The following NPEPPS variants were observed in gnomAD, a reference collection of about 807,000 sequenced individuals.
NPEPPS encodes puromycin-sensitive aminopeptidase.
In NPEPPS, 14 loss-of-function variants were observed where a neutral mutation model predicts 115.5. The ratio of observed to expected loss-of-function variants is 0.12; its 90% confidence interval spans 0.08 to 0.19. The LOEUF is 0.19. Among genes scored for constraint, NPEPPS ranks in the 10% least tolerant of loss-of-function variants. The probability of loss-of-function intolerance (pLI) is 1.00; values close to 1 mark genes in which losing one functional copy is unlikely to be tolerated. For missense variants in NPEPPS, 523 were observed against 1,110.8 expected (o/e 0.47, Z 7.52); for synonymous variants, 285 against 390.6 (o/e 0.73, Z 3.19).
chr17:47,612,438 T>C, intron 17 of NPEPPS, 22 bp from the exon 18 acceptor site: 1 of 1,612,046 alleles, frequency 6.2e-7, no homozygotes, highest in Non-Finnish European at 8.5e-7. Context: ...TAGTCTTATG[T>C]CTCTTTTACT....
At position 47,597,550 on chromosome 17, in the gene NPEPPS, G is replaced by T. The variant is rs905998554; in HGVS notation, c.1536+1088G>T. 4.7e-4 allele frequency among the ~76,000 whole-genome samples: 71 copies of T among 151,860 alleles called. 1 individual carries two copies. The highest frequency in any genetic ancestry group is 1.6e-3 in the African/African-American group (66 of 41,314). On this transcript the variant is annotated intron_variant, in intron 13 of 22. Coordinates refer to ENST00000322157, the MANE Select transcript of NPEPPS (RefSeq NM_006310.4). Reference sequence around the variant, plus strand: ...TATTACTTTTATATTTTAAAAAATTGGGATGAGGTCTCACTGTATTGCCCA... The same window carrying T: ...TATTACTTTTATATTTTAAAAAATTTGGATGAGGTCTCACTGTATTGCCCA...
At chr17:47,553,862 TG>T (rs993536108) in intron 2 of NPEPPS, among the ~76,000 whole-genome samples, 9 of 151,726 alleles carry the variant, frequency 5.9e-5, no homozygotes, top group Admixed American at 2.6e-4. Flanking sequence ...GCGATTCTCC[TG>T]CCCTAGCCTC....
intron 20 of NPEPPS, 62 bp downstream of exon 20, chr17:47,618,519 T>C (rs1686540296): frequency 8.7e-7 from 1 of 1,146,602 alleles, no homozygotes. Context: ...GAAGTGTCTC[T>C]GATTCAGCTC....
At chr17:47,576,163 A>C (rs1183854082) in intron 3 of NPEPPS, among the ~76,000 whole-genome samples, 1 of 152,158 alleles carries the variant, frequency 6.6e-6, no homozygotes, top group African/African-American at 2.4e-5. Context: ...ATTCTGGGAT[A>C]GTGATTAAAT....
In NPEPPS at chr17:47,619,796, A is replaced by ACTGTTTACT; in HGVS notation, c.2607+15_2607+23dup. ...CTGGAGAGGTTAAGGTAAGGAAAAT[A>ACTGTTTACT]CTGTTTACTCTTCACTTTTCAGTCT... On this transcript the variant is annotated intron_variant, in intron 22 of 22. Transcript: ENST00000322157. The ACTGTTTACT allele has an allele frequency of 6.3e-7, 1 of 1,598,464 alleles. No individual in the cohort carries two copies. The highest frequency in any genetic ancestry group is 8.6e-7 in the Non-Finnish European group (1 of 1,165,866).
intron 20 of NPEPPS, 37 bp from the exon 21 acceptor site, chr17:47,618,972 T>C (rs1173596802): frequency 6.9e-6 from 11 of 1,597,942 alleles, no homozygotes; most frequent in Non-Finnish European, 9.4e-6. Flanking sequence ...AATATGTTTT[T>C]GATACACTAG....
intron 20 of NPEPPS, 99 bp downstream of exon 20, chr17:47,618,556 A>G: frequency 2.7e-6 from 2 of 754,490 alleles, no homozygotes; most frequent in Non-Finnish European, 4.4e-6. Flanking sequence ...CCTTAACCCT[A>G]ACTAAAGCTT....
At chr17:47,536,565 T>C (rs1193804507) in intron 1 of NPEPPS, among the ~76,000 whole-genome samples, 1 of 151,676 alleles carries the variant, frequency 6.6e-6, no homozygotes, top group Non-Finnish European at 1.5e-5. Flanking sequence ...AGCTAATTTT[T>C]TCTGTTTTTA....
rs1335503324 is a variant in NPEPPS, at chr17:47,531,279, G to A, written c.-22G>A. The A allele has an allele frequency of 7.9e-7, 1 of 1,264,688 alleles. No individual in the cohort carries two copies. Among genetic ancestry groups the A allele is most frequent in the Admixed American group, 2.5e-5 (1 of 39,904 alleles). 78.3% of individuals were successfully genotyped at this position (1,264,688 alleles called of 1,614,324 possible). A position where few individuals can be genotyped will look rare whatever the true frequency, so the allele number is the denominator to read the frequency against. On this transcript the variant is annotated 5_prime_UTR_variant, in exon 1 of 23. Transcript: ENST00000322157. Reference sequence around the variant, plus strand: ...CAGGCTCCCCCGGTCGCTCTCCTCCGGCGGTCGCCCGCGCTCGGTGGATGT... The same window carrying A: ...CAGGCTCCCCCGGTCGCTCTCCTCCAGCGGTCGCCCGCGCTCGGTGGATGT...
intron 5 of NPEPPS, among the ~76,000 whole-genome samples, chr17:47,583,840 C>T (rs1230799717): frequency 2.0e-5 from 3 of 151,128 alleles, no homozygotes; most frequent in South Asian, 2.1e-4. Flanking sequence ...GAGGATCTCT[C>T]GAACTTAGGA....
chr17:47,538,526 CTTTTTTTTTT>C (rs1029993473), intron 1 of NPEPPS, among the ~76,000 whole-genome samples: 1 of 104,418 alleles, frequency 9.6e-6, no homozygotes, highest in African/African-American at 3.8e-5. Flanking sequence ...TATCTGTTTT[CTTTTTTTTTT>C]TTTTTTTTTT....
chr17:47,590,889 A>G lies in NPEPPS; in HGVS notation c.1260+8A>G. ...AACAGCCATCCTATTGAAGTGAGCC[A>G]TACTTTCTAACCATTAGCCTATGAC... On this transcript the variant is annotated splice_region_variant and intron_variant, in intron 10 of 22. Transcript: ENST00000322157. The G allele has an allele frequency of 6.5e-7, 1 of 1,543,664 alleles. No individual in the cohort carries two copies. The highest frequency in any genetic ancestry group is 8.7e-7 in the Non-Finnish European group (1 of 1,143,550).
chr17:47,552,143 T>A (rs908625380), intron 2 of NPEPPS, among the ~76,000 whole-genome samples: 4 of 150,832 alleles, frequency 2.7e-5, no homozygotes, highest in African/African-American at 9.8e-5. Context: ...ATTTTTTAAT[T>A]TTTGTAGAGA....
chr17:47,536,469 C>T (rs1449887754), intron 1 of NPEPPS, among the ~76,000 whole-genome samples: 6 of 149,862 alleles, frequency 4.0e-5, no homozygotes, highest in Non-Finnish European at 7.4e-5. Flanking sequence ...CTCGGCTCAC[C>T]GCAGCCTCTG....
intron 2 of NPEPPS, among the ~76,000 whole-genome samples, chr17:47,550,872 C>T (rs570656375): frequency 1.3e-5 from 2 of 152,040 alleles, no homozygotes; most frequent in African/African-American, 4.8e-5. Flanking sequence ...GGTGATCCAC[C>T]TACCTCGGCC....
intron 17 of NPEPPS, among the ~76,000 whole-genome samples, chr17:47,610,274 T>C (rs1463161070): frequency 1.3e-5 from 2 of 149,684 alleles, no homozygotes; most frequent in African/African-American, 2.5e-5. Context: ...ATTCTGAACA[T>C]TTCATGTACA....
At chr17:47,594,571 C>T (rs1020876637) in intron 12 of NPEPPS, among the ~76,000 whole-genome samples, 2 of 144,602 alleles carry the variant, frequency 1.4e-5, no homozygotes, top group Non-Finnish European at 3.0e-5. Flanking sequence ...CCACCACGGC[C>T]GGCTAATTTT....
At chr17:47,528,613 A>C (rs373490247), upstream of NPEPPS, among the ~76,000 whole-genome samples, 8 of 152,298 alleles carry the variant, frequency 5.3e-5, no homozygotes, top group East Asian at 1.3e-3. Context: ...GGTGTGAACA[A>C]AATAAGTAAA....
intron 1 of NPEPPS, among the ~76,000 whole-genome samples, chr17:47,534,501 A>C (rs554714587): frequency 6.6e-6 from 1 of 152,318 alleles, no homozygotes; most frequent in African/African-American, 2.4e-5. Context: ...AAATTTTACG[A>C]TAAGCCCAGA....
Sources: allele counts gnomAD v4.1 joint callset (sites outside exome capture counted in the v4.1 genomes callset), GRCh38; gene constraint gnomAD v4.1.1; transcripts MANE v1.5; gene names NCBI Gene and HGNC (gene_info 2026-07-23, HGNC 2026-07-21).